Variants in CNTNAP4 observed in about 807,000 individuals in gnomAD.
CNTNAP4 encodes contactin-associated protein-like 4.
Under a neutral mutation model 148.4 loss-of-function variants are expected in CNTNAP4, and 98 were observed. The ratio of observed to expected loss-of-function variants is 0.66; its 90% confidence interval spans 0.56 to 0.78. CNTNAP4 has a LOEUF of 0.78. CNTNAP4 is among the 30% of genes least tolerant of loss of function. CNTNAP4 has a pLI of 0.00. For missense variants in CNTNAP4, 1,935 were observed against 1,565.6 expected (o/e 1.24, Z -3.98); for synonymous variants, 730 against 565.1 (o/e 1.29, Z -4.14).
chr16:76,280,847 C>T (rs1175963869), intron 1 of CNTNAP4, among the ~76,000 whole-genome samples: 1 of 152,008 alleles, frequency 6.6e-6, no homozygotes. Flanking sequence ...AACATTAAGA[C>T]ATGGTTGAAG....
At chr16:76,403,251 C>T (rs2078483068) in intron 3 of CNTNAP4, among the ~76,000 whole-genome samples, 1 of 152,042 alleles carries the variant, frequency 6.6e-6, no homozygotes, top group Admixed American at 6.6e-5. Flanking sequence ...TGCCACCACA[C>T]CTGGCAAATT....
chr16:76,532,653 C>T (rs1021630056), intron 17 of CNTNAP4, among the ~76,000 whole-genome samples: 2 of 152,172 alleles, frequency 1.3e-5, no homozygotes, highest in Non-Finnish European at 1.5e-5. Flanking sequence ...CAAGAGCACA[C>T]CTTTAATTCA....
At chr16:76,501,753 C>T (rs900400894) in intron 15 of CNTNAP4, among the ~76,000 whole-genome samples, 4 of 152,120 alleles carry the variant, frequency 2.6e-5, no homozygotes, top group African/African-American at 4.8e-5. Flanking sequence ...CATGGGAATA[C>T]AGAGGGGAGC....
chr16:76,489,982 G>A lies in CNTNAP4; in HGVS notation c.2080+99G>A, dbSNP rs569191595. ...TAAGTCTGCAAAGTGGTGGTGTCTA[G>A]CCACTGAGGGTATATGATCTCACAT... On this transcript the variant is annotated intron_variant, in intron 13 of 23. Transcript: ENST00000611870. 7.8e-4 allele frequency: 505 copies of A among 645,970 alleles called. 3 individuals carry two copies. In the East Asian group the frequency reaches 9.9e-3, roughly 13 times the overall value. 40.0% of individuals were successfully genotyped at this position (645,970 alleles called of 1,614,324 possible).
At chr16:76,489,973 T>C (rs1181225882) in intron 13 of CNTNAP4, 90 bp downstream of exon 13, 2 of 801,630 alleles carry the variant, frequency 2.5e-6, no homozygotes, top group African/African-American at 3.4e-5. Flanking sequence ...TGCAAAGTGG[T>C]GGTGTCTAGC....
intron 15 of CNTNAP4, among the ~76,000 whole-genome samples, chr16:76,499,022 C>G (rs2082520638): frequency 6.6e-6 from 1 of 150,900 alleles, no homozygotes; most frequent in Non-Finnish European, 1.5e-5. Context: ...TGTAAGTACA[C>G]TTAAATGGTA....
chr16:76,548,495 C>CA (rs1156925628), intron 21 of CNTNAP4, among the ~76,000 whole-genome samples: 20 of 151,626 alleles, frequency 1.3e-4, no homozygotes, highest in South Asian at 1.0e-3. Context: ...TCGTATCTTT[C>CA]AAAAAAACAG....
chr16:76,475,027 G>A (rs1188702081), intron 10 of CNTNAP4, among the ~76,000 whole-genome samples: 1 of 152,172 alleles, frequency 6.6e-6, no homozygotes, highest in East Asian at 1.9e-4. Context: ...AGGCGTGGTG[G>A]CACAAGCCTG....
chr16:76,459,125 G>A (rs895566204), intron 8 of CNTNAP4, among the ~76,000 whole-genome samples: 3 of 152,164 alleles, frequency 2.0e-5, no homozygotes, highest in African/African-American at 7.2e-5. Context: ...TGCACACAGG[G>A]CTTTGAGAAT....
intron 1 of CNTNAP4, among the ~76,000 whole-genome samples, chr16:76,279,320 T>A (rs1043027044): frequency 7.2e-5 from 11 of 152,202 alleles, no homozygotes; most frequent in African/African-American, 2.7e-4. Flanking sequence ...CTGCCTGTAG[T>A]TGGGTTTAAA....
Position 76,427,523 on chromosome 16 carries a change from T to A in CNTNAP4, c.462T>A (p.Phe154Leu), listed in dbSNP as rs369884034. The A allele has an allele frequency of 3.1e-6, 5 of 1,613,194 alleles. No individual in the cohort carries two copies. In the African/African-American group the frequency reaches 5.3e-5, roughly 17 times the overall value. ...YRLQPSIKAR[F>L]LRFIPLEWNP... ...TCCAGCCTTCTATCAAAGCCAGATT[T>A]CTGCGCTTCATCCCTTTGGAATGGA... The change falls in exon 4 of 24, where the codon TTT becomes TTA. Residue 154 changes from phenylalanine (F) to leucine (L), a missense_variant. Transcript: ENST00000611870.
intron 21 of CNTNAP4, among the ~76,000 whole-genome samples, chr16:76,543,156 T>C (rs771910549): frequency 1.6e-4 from 24 of 152,200 alleles, no homozygotes; most frequent in Non-Finnish European, 3.4e-4. Flanking sequence ...ATGAACTTTA[T>C]GGTCTCAGTC....
At chr16:76,434,998 A>G (rs1268114885) in intron 4 of CNTNAP4, among the ~76,000 whole-genome samples, 1 of 152,116 alleles carries the variant, frequency 6.6e-6, no homozygotes, top group Non-Finnish European at 1.5e-5. Context: ...TGGTCCCTGA[A>G]GTGCCTGATT....
intron 1 of CNTNAP4, chr16:76,316,034 C>G (rs1296450612): frequency 9.9e-6 from 3 of 303,400 alleles, no homozygotes; most frequent in Non-Finnish European, 1.8e-5. Context: ...ATAGGTTTTG[C>G]AAGTACTTTC....
At chr16:76,302,148 G>A (rs1440449536) in intron 1 of CNTNAP4, among the ~76,000 whole-genome samples, 1 of 152,076 alleles carries the variant, frequency 6.6e-6, no homozygotes, top group Admixed American at 6.6e-5. Context: ...AGCTTCAGTG[G>A]CGAGGCCTTC....
At chr16:76,494,121 A>T (rs1424518867) in intron 13 of CNTNAP4, among the ~76,000 whole-genome samples, 1 of 151,334 alleles carries the variant, frequency 6.6e-6, no homozygotes, top group African/African-American at 2.4e-5. Context: ...TACATGCTTC[A>T]CGTCCTTCTC....
chr16:76,489,346 A>G (rs1568374231), intron 12 of CNTNAP4, among the ~76,000 whole-genome samples: 1 of 152,170 alleles, frequency 6.6e-6, no homozygotes, highest in Non-Finnish European at 1.5e-5. Context: ...TGCATCTTTA[A>G]AAAGATGGAA....
chr16:76,426,327 T>G (rs1207392741), intron 3 of CNTNAP4, among the ~76,000 whole-genome samples: 1 of 152,168 alleles, frequency 6.6e-6, no homozygotes, highest in Non-Finnish European at 1.5e-5. Context: ...GTATTTATCT[T>G]TGCCTTGTGC....
chr16:76,530,592 C>G (rs2083935178), intron 17 of CNTNAP4, among the ~76,000 whole-genome samples: 1 of 152,178 alleles, frequency 6.6e-6, no homozygotes, highest in Admixed American at 6.5e-5. Context: ...TAAATAGACT[C>G]GTTCTTTCTG....
Sources: allele counts gnomAD v4.1 joint callset (sites outside exome capture counted in the v4.1 genomes callset), GRCh38; gene constraint gnomAD v4.1.1; transcripts MANE v1.5; gene names NCBI Gene and HGNC (gene_info 2026-07-23, HGNC 2026-07-21).